Variants in SYNE2 observed in about 807,000 individuals in gnomAD.
The protein encoded by SYNE2 is nesprin-2.
SYNE2 carries 431 observed loss-of-function variants against 856.3 expected under a neutral mutation model. That is an observed-to-expected ratio of 0.50 (90% CI 0.47 to 0.55). SYNE2 has a LOEUF of 0.55. SYNE2 is among the 20% of genes least tolerant of loss of function. The pLI, the probability that SYNE2 is intolerant of heterozygous loss-of-function variation, is 0.00. For missense variants in SYNE2, 8,129 were observed against 8,023.2 expected, an observed-to-expected ratio of 1.01 and a Z score of -0.50; for synonymous variants, 2,923 against 2,872.3, an observed-to-expected ratio of 1.02 and a Z score of -0.56.
chr14:64,012,010 C>A, intron 32 of SYNE2, among the ~76,000 whole-genome samples: 1 of 152,154 alleles, frequency 6.6e-6, no homozygotes, highest in East Asian at 1.9e-4. Flanking sequence ...GAAAGTCAAT[C>A]TCTGTGGGTA....
At chr14:63,948,752 A>ATATATG (rs1168868719) in intron 6 of SYNE2, among the ~76,000 whole-genome samples, 2,510 of 88,762 alleles carry the variant, frequency 0.028, 261 homozygotes, top group African/African-American at 0.093. Flanking sequence ...ATGTGTGTGT[A>ATATATG]TATATATGTA....
chr14:64,148,662 C>T (rs1048880796), intron 84 of SYNE2, among the ~76,000 whole-genome samples: 1 of 152,186 alleles, frequency 6.6e-6, no homozygotes, highest in Non-Finnish European at 1.5e-5. Flanking sequence ...TAGCTCATTT[C>T]TTCCTATTTT....
intron 6 of SYNE2, among the ~76,000 whole-genome samples, chr14:63,948,790 A>ATGTATATATATGTATATGTGTGTGTGTG (rs1566884745): frequency 2.7e-5 from 2 of 74,014 alleles, no homozygotes; most frequent in East Asian, 3.4e-4. Context: ...GTGTATATAT[A>ATGTATATATATGTATATGTGTGTGTGTG]TATATATATA....
intron 45 of SYNE2, among the ~76,000 whole-genome samples, chr14:64,038,167 C>T (rs1421055615): frequency 4.7e-5 from 7 of 149,874 alleles, no homozygotes; most frequent in Non-Finnish European, 3.0e-5. Context: ...CCAGACGGGG[C>T]GGCGGGGCAG....
rs763847609 is a variant in SYNE2 at position 64,026,608 on chromosome 14, T to C, written c.6282T>C (p.Asp2094=). Residue 2094 remains aspartate, a synonymous_variant, in exon 42 of 116, where the codon GAT becomes GAC. Transcript: ENST00000555002. ...TCATTTTGCTGAAGCCTGAAGGGGATGCCAGAATAGAGACCATCATGAAGC... is the reference window on the plus strand; with the variant it reads ...TCATTTTGCTGAAGCCTGAAGGGGACGCCAGAATAGAGACCATCATGAAGC... ...KEIILLKPEG[D]ARIETIMKQA... 37 of 1,613,782 alleles carry C rather than the reference T, an allele frequency of 2.3e-5. No homozygotes were observed. Among genetic ancestry groups the C allele is most frequent in the South Asian group, 8.8e-5 (8 of 91,036 alleles).
intron 1 of SYNE2, among the ~76,000 whole-genome samples, chr14:63,835,535 A>T (rs1889821543): frequency 6.6e-6 from 1 of 150,456 alleles, no homozygotes; most frequent in African/African-American, 2.5e-5. Flanking sequence ...GCCTGGCCTT[A>T]CGTATGTACA....
intron 40 of SYNE2, 39 bp from the exon 41 acceptor site, chr14:64,025,091 T>G: frequency 6.2e-7 from 1 of 1,614,036 alleles, no homozygotes; most frequent in Non-Finnish European, 8.5e-7. Flanking sequence ...CATGGTGTGG[T>G]TACTCCTATA....
At chr14:63,820,112 A>G (rs1889157790) in intron 1 of SYNE2, among the ~76,000 whole-genome samples, 2 of 152,212 alleles carry the variant, frequency 1.3e-5, no homozygotes, top group African/African-American at 4.8e-5. Flanking sequence ...AAATGCAAAT[A>G]ACCTAGATTA....
At chr14:63,863,525 T>C (rs535495609) in intron 1 of SYNE2, among the ~76,000 whole-genome samples, 2 of 152,316 alleles carry the variant, frequency 1.3e-5, no homozygotes, top group East Asian at 1.9e-4. Flanking sequence ...TCAGAAGATA[T>C]TTTTATCTTA....
At chr14:64,071,004 C>G (rs1595306480) in intron 52 of SYNE2, 94 bp downstream of exon 52, 1 of 1,317,988 alleles carries the variant, frequency 7.6e-7, no homozygotes, top group Non-Finnish European at 1.1e-6. Context: ...GCAAATGATA[C>G]AATAGAATTG....
At chr14:64,087,545 A>G in intron 57 of SYNE2, 126 bp from the exon 58 acceptor site, 1 of 1,017,738 alleles carries the variant, frequency 9.8e-7, no homozygotes, top group Non-Finnish European at 1.6e-6. Flanking sequence ...TGTTTTCATT[A>G]TCGAACTAGA....
chr14:63,847,339 C>A (rs1234917125), intron 1 of SYNE2, among the ~76,000 whole-genome samples: 1 of 151,620 alleles, frequency 6.6e-6, no homozygotes, highest in Non-Finnish European at 1.5e-5. Flanking sequence ...CTGCTGTAGT[C>A]CCAGCTACTC....
intron 1 of SYNE2, among the ~76,000 whole-genome samples, chr14:63,867,403 G>A (rs1296632422): frequency 7.9e-5 from 11 of 139,848 alleles, no homozygotes; most frequent in Admixed American, 2.2e-4. Context: ...AAAAAAGAGA[G>A]AGAGAGAGAA....
chr14:63,949,718 A>G (rs2153430368), intron 6 of SYNE2, 107 bp from the exon 7 acceptor site: 4 of 1,102,760 alleles, frequency 3.6e-6, no homozygotes, highest in South Asian at 1.3e-5. Context: ...GGAGTAAACT[A>G]TGACTGTCAC....
At chr14:63,785,434 G>T (rs1887483521) in intron 1 of SYNE2, among the ~76,000 whole-genome samples, 1 of 151,938 alleles carries the variant, frequency 6.6e-6, no homozygotes, top group South Asian at 2.1e-4. Flanking sequence ...CTCCAGTCTG[G>T]GTGACAGAGT....
intron 1 of SYNE2, among the ~76,000 whole-genome samples, chr14:63,876,687 C>T (rs147252317): frequency 0.014 from 2,096 of 152,150 alleles, 40 homozygotes; most frequent in African/African-American, 0.048. Flanking sequence ...GGGGTTTCAC[C>T]GTGTTAGCCA....
At chr14:63,824,109 C>A (rs1889327614) in intron 1 of SYNE2, among the ~76,000 whole-genome samples, 1 of 152,204 alleles carries the variant, frequency 6.6e-6, no homozygotes, top group Admixed American at 6.5e-5. Flanking sequence ...GAGGCCAAGG[C>A]AGGCAGATCA....
intron 2 of SYNE2, among the ~76,000 whole-genome samples, chr14:63,929,358 C>T (rs778818753): frequency 5.3e-5 from 8 of 152,062 alleles, no homozygotes; most frequent in African/African-American, 4.8e-5. Flanking sequence ...ATACAATATA[C>T]CAATAACAAA....
intron 29 of SYNE2, 81 bp from the exon 30 acceptor site, chr14:64,002,639 A>G (rs2096763874): frequency 6.7e-7 from 1 of 1,488,254 alleles, no homozygotes; most frequent in African/African-American, 1.4e-5. Flanking sequence ...AAATCTAGTC[A>G]TGCAGTTTGG....
Sources: allele counts gnomAD v4.1 joint callset (sites outside exome capture counted in the v4.1 genomes callset), GRCh38; gene constraint gnomAD v4.1.1; transcripts MANE v1.5; gene names NCBI Gene and HGNC (gene_info 2026-07-23, HGNC 2026-07-21).